Variants in DMXL1 observed in about 807,000 individuals in gnomAD.
The protein encoded by DMXL1 is dmX-like protein 1.
DMXL1 carries 99 observed loss-of-function variants against 319.2 expected under a neutral mutation model. The ratio of observed to expected loss-of-function variants is 0.31; its 90% CI spans 0.26 to 0.37. The LOEUF is 0.37. DMXL1 is among the 10% of genes least tolerant of loss of function. The pLI is 1.00. For missense variants in DMXL1, 3,745 were observed against 3,595.6 expected (o/e 1.04, Z -1.06); for synonymous variants, 1,385 against 1,235.2 (o/e 1.12, Z -2.54).
At chr5:119,117,943 A>G (rs1025069096) in intron 7 of DMXL1, among the ~76,000 whole-genome samples, 46 of 152,206 alleles carry the variant, frequency 3.0e-4, no homozygotes, top group African/African-American at 8.4e-4. Context: ...TAAAAATCAG[A>G]TATGTATGCT....
intron 33 of DMXL1, among the ~76,000 whole-genome samples, chr5:119,205,199 T>C (rs1037931964): frequency 5.3e-5 from 8 of 152,238 alleles, no homozygotes; most frequent in African/African-American, 1.9e-4. Context: ...AAAAATCTTA[T>C]TTTTCTACTG....
At chr5:119,080,835 A>G (rs777935194) in intron 1 of DMXL1, among the ~76,000 whole-genome samples, 12 of 152,130 alleles carry the variant, frequency 7.9e-5, no homozygotes, top group Non-Finnish European at 1.2e-4. Flanking sequence ...AGCTATATCT[A>G]ACGTCTTTCC....
rs200786996 is a variant in DMXL1, at chr5:119,147,306, C to A, written c.2747C>A (p.Ser916Tyr). 8.9e-5 allele frequency: 143 copies of A among 1,613,442 alleles called. 1 individual carries two copies. Among genetic ancestry groups the A allele is most frequent in the Middle Eastern group, 1.7e-4 (1 of 6,058 alleles). Residue 916 changes from serine to tyrosine, a missense_variant, in exon 17 of 44, where the codon TCT becomes TAT. Physicochemically the swap from Ser to Tyr is moderately radical, Grantham distance 144 (BLOSUM62 -2). Coordinates refer to ENST00000539542, the MANE Select transcript of DMXL1 (RefSeq NM_001290321.3). ...GTTTGGCAGCCAGAAGAACATTATTCTTCTTCTCCAGAGAAGATCCTATCT... is the reference window on the plus strand; with the variant it reads ...GTTTGGCAGCCAGAAGAACATTATTATTCTTCTCCAGAGAAGATCCTATCT... ...EAVWQPEEHY[S>Y]SSPEKILSPF...
chr5:119,107,712 A>G (rs1758665962), intron 4 of DMXL1, among the ~76,000 whole-genome samples: 1 of 152,210 alleles, frequency 6.6e-6, no homozygotes, highest in African/African-American at 2.4e-5. Flanking sequence ...AAGCAAAAGA[A>G]AAGTTGTATC....
At position 119,247,142 on chromosome 5, in the gene DMXL1, A is replaced by G; in HGVS notation, c.9070A>G (p.Met3024Val). The change falls in exon 44 of 44, where the codon ATG (methionine) becomes GTG (valine). Residue 3024 changes from methionine to valine, a missense_variant. By Grantham distance (21) the Met-to-Val change is conservative. Transcript: ENST00000539542. ...TTTCTCCTGTGGAGCTGATGGAACAATGAAAATGAGAATACTGCCAGATCA... is the reference window on the plus strand; with the variant it reads ...TTTCTCCTGTGGAGCTGATGGAACAGTGAAAATGAGAATACTGCCAGATCA... ...HIFSCGADGT[M>V]KMRILPDQFS... is the part of the protein sequence containing the mutation. 1.9e-6 allele frequency: 3 copies of G among 1,614,162 alleles called. No individual in the cohort carries two copies. Among genetic ancestry groups the G allele is most frequent in the Non-Finnish European group, 2.5e-6 (3 of 1,180,002 alleles).
chr5:119,083,664 C>T (rs561040491), intron 1 of DMXL1, among the ~76,000 whole-genome samples: 11 of 151,992 alleles, frequency 7.2e-5, no homozygotes, highest in East Asian at 1.9e-4. Context: ...GCCTCTGCCT[C>T]GGAGTAGCTG....
At chr5:119,219,419 A>T (rs1434202658) in intron 35 of DMXL1, among the ~76,000 whole-genome samples, 3 of 152,108 alleles carry the variant, frequency 2.0e-5, no homozygotes, top group African/African-American at 4.8e-5. Flanking sequence ...ATCTAGCTAT[A>T]TCATTTTTTC....
At chr5:119,173,282 G>C (rs1209932694) in intron 25 of DMXL1, among the ~76,000 whole-genome samples, 2 of 151,340 alleles carry the variant, frequency 1.3e-5, no homozygotes, top group African/African-American at 4.9e-5. Context: ...AGAGGTTGCG[G>C]TGAGCCAAGA....
rs534060830 is a variant in DMXL1 at position 119,121,547 on chromosome 5, A to G, written c.1102+408A>G. 2.2e-3 allele frequency among the ~76,000 whole-genome samples: 331 copies of G among 152,222 alleles called. 1 individual carries two copies. The highest frequency in any genetic ancestry group is 7.3e-3 in the African/African-American group (302 of 41,532). ...GCACATCTTGCACCGCCCTTAATCCATTTAACCCTGAGTGGACACAGCACA... is the reference window on the plus strand; with the variant it reads ...GCACATCTTGCACCGCCCTTAATCCGTTTAACCCTGAGTGGACACAGCACA... On this transcript the variant is annotated intron_variant, in intron 9 of 43. Transcript: ENST00000539542.
Position 119,177,369 on chromosome 5 carries a change from G to T in DMXL1, c.6771G>T (p.Thr2257=). ...CGSHNYSSFQ[T]NQFTGMVYQT... ...TTTTTTCTCTTAGTTCATTTCAGAC[G>T]AATCAGTTTACTGGAATGGTATATC... Residue 2257 remains threonine (T), a synonymous_variant, in exon 27 of 44, where the codon ACG becomes ACT. Coordinates refer to ENST00000539542, the MANE Select transcript of DMXL1 (RefSeq NM_001290321.3). 6.5e-7 allele frequency: 1 copy of T among 1,544,776 alleles called. No individual in the cohort carries two copies. Among genetic ancestry groups the T allele is most frequent in the South Asian group, 1.3e-5 (1 of 77,390 alleles).
At chr5:119,114,632 T>A in intron 6 of DMXL1, 91 bp downstream of exon 6, 1 of 877,458 alleles carries the variant, frequency 1.1e-6, no homozygotes, top group Non-Finnish European at 1.8e-6. Flanking sequence ...TTTTATTTAT[T>A]TAACTTGAAA....
intron 7 of DMXL1, among the ~76,000 whole-genome samples, chr5:119,117,281 T>A (rs1761053517): frequency 6.6e-6 from 1 of 152,174 alleles, no homozygotes; most frequent in Non-Finnish European, 1.5e-5. Context: ...GCTCAGGCGA[T>A]CTGCCTGCCT....
At chr5:119,232,807 C>CT (rs1371102220) in intron 38 of DMXL1, among the ~76,000 whole-genome samples, 1 of 145,246 alleles carries the variant, frequency 6.9e-6, no homozygotes, top group Non-Finnish European at 1.5e-5. Context: ...GACCCTGTCT[C>CT]TAAAAAAAAA....
At chr5:119,154,413 C>CT (rs1203130452) in intron 19 of DMXL1, among the ~76,000 whole-genome samples, 1 of 152,212 alleles carries the variant, frequency 6.6e-6, no homozygotes, top group African/African-American at 2.4e-5. Flanking sequence ...GCAAGGTAGC[C>CT]TTATTGCTTA....
Position 119,114,534 on chromosome 5 carries a change from C to T in DMXL1, c.557C>T (p.Ala186Val). The T allele has an allele frequency of 1.0e-5, 16 of 1,605,954 alleles. No individual in the cohort carries two copies. Among genetic ancestry groups the T allele is most frequent in the Non-Finnish European group, 1.4e-5 (16 of 1,176,800 alleles). The change falls in exon 6 of 44, where the codon GCT becomes GTT. Residue 186 changes from alanine (A) to valine (V), a missense_variant. Physicochemically the swap from Ala to Val is moderately conservative, Grantham distance 64. Coordinates refer to ENST00000539542, the MANE Select transcript of DMXL1 (RefSeq NM_001290321.3). Reference sequence around the variant, plus strand: ...CCAGATGGAGAATTTTTTGCCACTGCTGGGAAGGTAAATTGTGAAAATGCT... The same window carrying T: ...CCAGATGGAGAATTTTTTGCCACTGTTGGGAAGGTAAATTGTGAAAATGCT... Reference protein sequence around the residue: ...FSPDGEFFATAGKDDCLLKVW... With the variant: ...FSPDGEFFATVGKDDCLLKVW...
intron 41 of DMXL1, among the ~76,000 whole-genome samples, chr5:119,239,896 GCAGTGAGCCAAGAT>G (rs1243763680): frequency 1.3e-5 from 2 of 149,634 alleles, no homozygotes; most frequent in African/African-American, 4.9e-5. Flanking sequence ...GGCAGAGGTT[GCAGTGAGCCAAGAT>G]CACACCATTG....
Position 119,170,899 on chromosome 5 carries a change from T to C in DMXL1, c.6108T>C (p.Ile2036=). The C allele has an allele frequency of 6.2e-7, 1 of 1,613,172 alleles. No homozygotes were observed. Among genetic ancestry groups the C allele is most frequent in the Non-Finnish European group, 8.5e-7 (1 of 1,179,796 alleles). Reference sequence around the variant, plus strand: ...TAAAATTTAGAGCATGTTTAAAGATTCTCACAGTAGAACTTCGTACTTTAT... The same window carrying C: ...TAAAATTTAGAGCATGTTTAAAGATCCTCACAGTAGAACTTCGTACTTTAT... ...VQLKFRACLK[I]LTVELRTLST... is the part of the protein sequence containing the mutation. Residue 2036 remains isoleucine, a synonymous_variant, in exon 24 of 44, where the codon ATT becomes ATC. Transcript: ENST00000539542.
chr5:119,179,838 A>C (rs1776481401), intron 28 of DMXL1, among the ~76,000 whole-genome samples: 1 of 152,120 alleles, frequency 6.6e-6, no homozygotes. Context: ...TCAAGAAAAA[A>C]CAGGCAGGAA....
intron 18 of DMXL1, among the ~76,000 whole-genome samples, chr5:119,151,231 T>TA (rs1006216302): frequency 2.7e-5 from 4 of 149,614 alleles, no homozygotes; most frequent in East Asian, 2.0e-4. Flanking sequence ...AGAGAGCATT[T>TA]AAAAAAAAAA....
Sources: allele counts gnomAD v4.1 joint callset (sites outside exome capture counted in the v4.1 genomes callset), GRCh38; gene constraint gnomAD v4.1.1; transcripts MANE v1.5; gene names NCBI Gene and HGNC (gene_info 2026-07-23, HGNC 2026-07-21).